ZFPM1: variants seen among roughly 807,000 people sequenced by gnomAD.
ZFPM1 encodes the protein zinc finger protein ZFPM1.
A neutral mutation model predicts 46.3 loss-of-function variants in ZFPM1; 28 were observed. That is an observed-to-expected ratio of 0.60 (90% CI 0.45 to 0.83). The LOEUF is 0.83. Ranked by LOEUF, ZFPM1 falls within the 40% of genes least tolerant of loss-of-function variation. The pLI, the probability that ZFPM1 is intolerant of heterozygous loss-of-function variation, is 0.00. For missense variants in ZFPM1, 1,878 were observed against 1,432.4 expected (o/e 1.31, Z -5.02); for synonymous variants, 957 against 675.9 (o/e 1.42, Z -6.45).
rs570376372 is a variant in ZFPM1 at position 88,477,864 on chromosome 16, C to A, written c.41-8075C>A. Among the ~76,000 whole-genome samples the A allele has an allele frequency of 2.0e-4, 30 of 152,350 alleles. No homozygotes were observed. In the East Asian group the frequency reaches 5.6e-3, roughly 28 times the overall value. On this transcript the variant is annotated intron_variant, in intron 1 of 9. Transcript: ENST00000319555. ...TACTTGAGCCTGGGGACATTCAGTT[C>A]AGCAGCAGCTCCCCAGGCTTGGCCT...
intron 3 of ZFPM1, among the ~76,000 whole-genome samples, chr16:88,501,613 A>T (rs1354795333): frequency 1.6e-5 from 2 of 126,978 alleles, no homozygotes; most frequent in Non-Finnish European, 3.3e-5. Flanking sequence ...GGTACTGGTG[A>T]TGATGGAGAT....
chr16:88,488,250 G>T (rs1909348972), intron 2 of ZFPM1, among the ~76,000 whole-genome samples: 1 of 152,204 alleles, frequency 6.6e-6, no homozygotes, highest in African/African-American at 2.4e-5. Context: ...GCTTCCCGGG[G>T]AGCCAGGCTC....
At chr16:88,490,406 G>A (rs1029618872) in intron 3 of ZFPM1, among the ~76,000 whole-genome samples, 1 of 152,244 alleles carries the variant, frequency 6.6e-6, no homozygotes, top group Non-Finnish European at 1.5e-5. Flanking sequence ...GGAGCAGATG[G>A]CCGATGCAGA....
intron 1 of ZFPM1, among the ~76,000 whole-genome samples, chr16:88,462,223 G>T (rs1907929044): frequency 6.6e-6 from 1 of 152,184 alleles, no homozygotes; most frequent in Admixed American, 6.5e-5. Flanking sequence ...CAGCTTCCCC[G>T]GCTGTGAAAT....
At chr16:88,515,070 ATGTACTTC>A (rs1385091180) in intron 4 of ZFPM1, among the ~76,000 whole-genome samples, 5 of 152,188 alleles carry the variant, frequency 3.3e-5, no homozygotes, top group African/African-American at 1.2e-4. Flanking sequence ...TTTGTCTTGG[ATGTACTTC>A]TGGGGCTACC....
intron 3 of ZFPM1, among the ~76,000 whole-genome samples, chr16:88,511,132 A>C (rs559600619): frequency 1.3e-5 from 2 of 151,778 alleles, no homozygotes; most frequent in African/African-American, 4.8e-5. Flanking sequence ...GAAGGACACC[A>C]CCCCCTGGAA....
intron 1 of ZFPM1, among the ~76,000 whole-genome samples, chr16:88,463,804 G>T (rs535398538): frequency 6.6e-5 from 10 of 152,366 alleles, no homozygotes; most frequent in Admixed American, 3.9e-4. Flanking sequence ...GCCTTCCTGT[G>T]TCTCTAGGCA....
Position 88,526,850 on chromosome 16 carries a change from T to C in ZFPM1, c.439T>C (p.Cys147Arg). The part of the protein sequence containing the change: ...ALTLLLVDEA[C>R]WLRTLPQALT... ...GACCCTGCTGCTGGTGGACGAGGCC[T>C]GCTGGCTGAGGACGCTGCCCCAGGC... The change falls in exon 5 of 10, where the codon TGC (cysteine) becomes CGC (arginine). Residue 147 changes from cysteine (C) to arginine (R), a missense_variant. Coordinates refer to ENST00000319555, the MANE Select transcript of ZFPM1 (RefSeq NM_153813.3). 7.0e-7 allele frequency: 1 copy of C among 1,427,580 alleles called. No individual in the cohort carries two copies. The highest frequency in any genetic ancestry group is 1.2e-5 in the South Asian group (1 of 83,852). 88.4% of individuals were successfully genotyped at this position (1,427,580 alleles called of 1,614,324 possible).
At chr16:88,479,832 C>T (rs1908850527) in intron 1 of ZFPM1, among the ~76,000 whole-genome samples, 1 of 142,770 alleles carries the variant, frequency 7.0e-6, no homozygotes, top group African/African-American at 2.6e-5. Flanking sequence ...TGCCCCTCTC[C>T]GCTCCCCTCC....
intron 1 of ZFPM1, among the ~76,000 whole-genome samples, chr16:88,483,139 C>T (rs1438518616): frequency 6.6e-6 from 1 of 152,120 alleles, no homozygotes; most frequent in East Asian, 1.9e-4. Context: ...CCAGCCCCCT[C>T]CTATAATTAC....
Position 88,456,682 on chromosome 16 carries a change from G to A in ZFPM1, c.40+3004G>A, listed in dbSNP as rs376552272. On this transcript the variant is annotated intron_variant, in intron 1 of 9. Transcript: ENST00000319555. ...CTGTCGGGGGAGCAAGGGCTGAGAG[G>A]CGCCTGGGGCTGGGGGGCCAGCCTG... Among the ~76,000 whole-genome samples the A allele has an allele frequency of 1.4e-4, 21 of 152,342 alleles. No individual in the cohort carries two copies. In the East Asian group the frequency reaches 1.7e-3, roughly 13 times the overall value.
intron 1 of ZFPM1, among the ~76,000 whole-genome samples, chr16:88,466,042 G>A (rs1005720807): frequency 3.9e-5 from 6 of 152,232 alleles, no homozygotes; most frequent in Non-Finnish European, 7.3e-5. Flanking sequence ...CTGGCAGAAA[G>A]GCTTCCTGTG....
rs780774264 is a variant in ZFPM1 at position 88,508,708 on chromosome 16, A to G, written c.269-5679A>G. Among the ~76,000 whole-genome samples the G allele has an allele frequency of 3.0e-4, 46 of 152,146 alleles. 1 individual carries two copies. Among genetic ancestry groups the G allele is most frequent in the Non-Finnish European group, 5.9e-4 (40 of 68,018 alleles). On this transcript the variant is annotated intron_variant, in intron 3 of 9. Coordinates refer to ENST00000319555, the MANE Select transcript of ZFPM1 (RefSeq NM_153813.3). ...CAGAGGGGACACAGAGTTTGCGCGG[A>G]GGTCACGGGGTGGGGGAGGAGCTAC...
At chr16:88,509,317 C>T (rs1171272059) in intron 3 of ZFPM1, among the ~76,000 whole-genome samples, 1 of 152,252 alleles carries the variant, frequency 6.6e-6, no homozygotes, top group African/African-American at 2.4e-5. Context: ...ATGGGAGCCA[C>T]AGGGCGGGGC....
rs1470580472 is a variant in ZFPM1 at position 88,532,062 on chromosome 16, C to A, written c.773C>A (p.Ala258Glu). 1.9e-6 allele frequency: 3 copies of A among 1,612,364 alleles called. No individual in the cohort carries two copies. Among genetic ancestry groups the A allele is most frequent in the Non-Finnish European group, 2.5e-6 (3 of 1,179,634 alleles). The change falls in exon 7 of 10, where the codon GCG (alanine) becomes GAG (glutamate). Residue 258 changes from alanine to glutamate, a missense_variant. Coordinates refer to ENST00000319555, the MANE Select transcript of ZFPM1 (RefSeq NM_153813.3). ...TACCGCAGCGAGCGCAACCTGCAGG[C>A]GCACCTGCTCTACTACTGCGCCAGC... ...IWYRSERNLQ[A>E]HLLYYCASRQ...
At chr16:88,486,122 G>C in intron 2 of ZFPM1, 79 bp downstream of exon 2, 1 of 1,419,938 alleles carries the variant, frequency 7.0e-7, no homozygotes, top group Non-Finnish European at 9.6e-7. Context: ...TCAGAGCTCA[G>C]TGGTGTCTGA....
At chr16:88,516,804 G>A (rs1018418758) in intron 4 of ZFPM1, among the ~76,000 whole-genome samples, 4 of 152,160 alleles carry the variant, frequency 2.6e-5, no homozygotes, top group Admixed American at 2.0e-4. Flanking sequence ...TTTGTAGAAG[G>A]AGAAGGGGGA....
intron 1 of ZFPM1, among the ~76,000 whole-genome samples, chr16:88,476,164 C>T (rs1908673538): frequency 6.6e-6 from 1 of 152,102 alleles, no homozygotes. Flanking sequence ...CAGCCTGGCT[C>T]ACCCACCCCA....
At chr16:88,457,780 C>T (rs560039315) in intron 1 of ZFPM1, among the ~76,000 whole-genome samples, 2 of 152,204 alleles carry the variant, frequency 1.3e-5, no homozygotes, top group South Asian at 4.1e-4. Context: ...CACGAGGCAC[C>T]GCACCTGCCC....
Sources: gnomAD v4.1 joint callset for allele counts (sites outside exome capture counted in the v4.1 genomes callset) on GRCh38, gnomAD v4.1.1 for gene constraint, MANE v1.5 for transcripts, NCBI Gene and HGNC (gene_info 2026-07-23, HGNC 2026-07-21) for gene names.